The following ZNF568 variants were observed in gnomAD, a reference collection of about 807,000 sequenced individuals.
ZNF568 encodes the protein zinc finger protein 568.
Under a neutral mutation model 18.1 loss-of-function variants are expected in ZNF568, and 11 were observed. The observed-to-expected ratio is 0.61, with a 90% CI of 0.38 to 1.00. The LOEUF (loss-of-function observed/expected upper bound fraction) is 1.00, where lower values mean the gene tolerates loss of function less well. ZNF568 is among the 50% of genes least tolerant of loss of function. The pLI is 0.01. For missense variants in ZNF568, 639 were observed against 768.2 expected (o/e 0.83, Z 1.99); for synonymous variants, 213 against 246.6 (o/e 0.86, Z 1.28).
chr19:36,989,877 A>G (rs2074409143), intron 2 of ZNF568, among the ~76,000 whole-genome samples: 1 of 152,184 alleles, frequency 6.6e-6, no homozygotes, highest in African/African-American at 2.4e-5. Context: ...TCTTCCACCG[A>G]GAGTACTGAT....
At chr19:36,962,407 C>A (rs567878763) in intron 6 of ZNF568, among the ~76,000 whole-genome samples, 26 of 138,712 alleles carry the variant, frequency 1.9e-4, no homozygotes, top group African/African-American at 5.9e-4. Flanking sequence ...GTGGTGTAAT[C>A]TTGGATCACT....
chr19:36,996,827 G>C, exon 5 of ZNF568: 1 of 1,544,630 alleles, frequency 6.5e-7, no homozygotes, highest in Non-Finnish European at 8.7e-7. Context: ...TTTCGTTCCA[G>C]CTCACAAATT....
intron 6 of ZNF568, among the ~76,000 whole-genome samples, chr19:36,965,679 C>T (rs1335797164): frequency 1.3e-5 from 2 of 151,668 alleles, no homozygotes; most frequent in South Asian, 2.1e-4. Flanking sequence ...TATGGCATCC[C>T]CCCAGTTTTG....
At chr19:36,997,172 T>G (rs1417855675) in exon 5 of ZNF568, 10 of 1,596,882 alleles carry the variant, frequency 6.3e-6, no homozygotes, top group Non-Finnish European at 7.7e-6. Flanking sequence ...GCCTCACAGC[T>G]GAGTCTACAT....
downstream of ZNF568, among the ~76,000 whole-genome samples, chr19:36,957,555 C>T (rs1479631625): frequency 6.6e-6 from 1 of 152,132 alleles, no homozygotes; most frequent in African/African-American, 2.4e-5. Context: ...GCTGTTGTGA[C>T]ATTTGGTGTG....
chr19:36,966,756 T>C (rs551566659), intron 6 of ZNF568, among the ~76,000 whole-genome samples: 32 of 152,288 alleles, frequency 2.1e-4, no homozygotes, highest in Non-Finnish European at 2.6e-4. Flanking sequence ...GGTCCATCAG[T>C]GGGAGGTGTG....
intron 4 of ZNF568, among the ~76,000 whole-genome samples, chr19:36,930,263 G>A (rs1417070526): frequency 6.7e-6 from 1 of 150,258 alleles, no homozygotes; most frequent in Non-Finnish European, 1.5e-5. Flanking sequence ...AGGCTGGAGT[G>A]CAATGGCACA....
intron 6 of ZNF568, among the ~76,000 whole-genome samples, chr19:36,966,046 G>A (rs1169211605): frequency 2.0e-5 from 3 of 151,558 alleles, no homozygotes; most frequent in African/African-American, 7.3e-5. Flanking sequence ...GCCACGTGTG[G>A]TGGGTCCTCA....
intron 4 of ZNF568, chr19:36,996,275 A>T: frequency 7.1e-7 from 1 of 1,413,128 alleles, no homozygotes; most frequent in South Asian, 1.4e-5. Flanking sequence ...TTTGTCCTGC[A>T]ATGTGAAAAT....
At chr19:36,945,400 G>A (rs576181717) in intron 6 of ZNF568, among the ~76,000 whole-genome samples, 2 of 152,092 alleles carry the variant, frequency 1.3e-5, no homozygotes, top group Admixed American at 1.3e-4. Flanking sequence ...TGAAGATAAT[G>A]AGGATGAAGA....
intron 4 of ZNF568, among the ~76,000 whole-genome samples, chr19:36,993,998 G>A (rs1451142147): frequency 1.4e-5 from 2 of 142,792 alleles, no homozygotes; most frequent in Non-Finnish European, 3.1e-5. Flanking sequence ...CAGTTAGATT[G>A]TTGATTTGAG....
intron 4 of ZNF568, among the ~76,000 whole-genome samples, chr19:36,930,638 TGTG>T (rs1435563152): frequency 2.0e-5 from 3 of 152,236 alleles, no homozygotes; most frequent in Non-Finnish European, 2.9e-5. Context: ...CTATCTTTGT[TGTG>T]GTGTATATTC....
downstream of ZNF568, chr19:36,997,765 T>C (rs2074492797): frequency 3.4e-6 from 2 of 589,926 alleles, no homozygotes; most frequent in Non-Finnish European, 5.7e-6. Flanking sequence ...AGAAAGTTCA[T>C]ACTGATTTGG....
chr19:36,967,579 A>C (rs2074203709), intron 6 of ZNF568, among the ~76,000 whole-genome samples: 1 of 152,140 alleles, frequency 6.6e-6, no homozygotes, highest in Non-Finnish European at 1.5e-5. Context: ...AACAAAACAA[A>C]CAAGCAAAAA....
rs1326036900 is a variant in ZNF568, at chr19:36,950,850, C to G, written c.1697C>G (p.Ala566Gly). ...TTCAAATGTAATGAATGTGGTAAAGCCTTCTCTCGAATCTCATCCCTCACT... is the reference window on the plus strand; with the variant it reads ...TTCAAATGTAATGAATGTGGTAAAGGCTTCTCTCGAATCTCATCCCTCACT... ...KPFKCNECGKAFSRISSLTLH... is the reference protein window; with the variant it reads ...KPFKCNECGKGFSRISSLTLH... Residue 566 changes from alanine to glycine, a missense_variant, in exon 7 of 7, where the codon GCC (alanine) becomes GGC (glycine). Physicochemically the swap from Ala to Gly is moderately conservative, Grantham distance 60. Coordinates refer to ENST00000333987, the MANE Select transcript of ZNF568 (RefSeq NM_198539.4). 2 of 1,613,484 alleles carry G rather than the reference C, an allele frequency of 1.2e-6. No individual in the cohort carries two copies. The highest frequency in any genetic ancestry group is 1.3e-5 in the African/African-American group (1 of 74,878).
In ZNF568 at chr19:36,950,930, A is replaced by G; in HGVS notation, c.1777A>G (p.Lys593Glu). 6.2e-7 allele frequency: 1 copy of G among 1,613,818 alleles called. No individual in the cohort carries two copies. The highest frequency in any genetic ancestry group is 8.5e-7 in the Non-Finnish European group (1 of 1,179,892). ...EKPYECNKCGKAFSQCSLLII... is the reference protein window; with the variant it reads ...EKPYECNKCGEAFSQCSLLII... ...ACCCTATGAATGTAATAAATGTGGGAAAGCCTTTTCTCAGTGCTCATTACT... is the reference window on the plus strand; with the variant it reads ...ACCCTATGAATGTAATAAATGTGGGGAAGCCTTTTCTCAGTGCTCATTACT... Residue 593 changes from lysine to glutamate, a missense_variant, in exon 7 of 7, where the codon AAA becomes GAA. Lys to Glu is a moderately conservative substitution (Grantham distance 56, BLOSUM62 1). Transcript: ENST00000333987.
At chr19:36,964,802 T>C (rs1312126359) in intron 6 of ZNF568, among the ~76,000 whole-genome samples, 1 of 152,146 alleles carries the variant, frequency 6.6e-6, no homozygotes, top group East Asian at 1.9e-4. Flanking sequence ...AATGAGACCT[T>C]ATCTCTTATA....
At chr19:36,959,350 C>T (rs2146321439) in intron 6 of ZNF568, among the ~76,000 whole-genome samples, 1 of 152,220 alleles carries the variant, frequency 6.6e-6, no homozygotes, top group South Asian at 2.1e-4. Flanking sequence ...CTTTGCATCC[C>T]TGGTGCAAAT....
At chr19:36,940,468 T>G (rs1016983736) in intron 6 of ZNF568, among the ~76,000 whole-genome samples, 2 of 152,264 alleles carry the variant, frequency 1.3e-5, no homozygotes, top group Non-Finnish European at 2.9e-5. Context: ...CACTTGTTTA[T>G]TAGTCCACCT....
Sources: gnomAD v4.1 joint callset for allele counts (sites outside exome capture counted in the v4.1 genomes callset) on GRCh38, gnomAD v4.1.1 for gene constraint, MANE v1.5 for transcripts, NCBI Gene and HGNC (gene_info 2026-07-23, HGNC 2026-07-21) for gene names.